Variants in MGAT4C observed in about 807,000 individuals in gnomAD.
MGAT4C encodes the protein alpha-1,3-mannosyl-glycoprotein 4-beta-N-acetylglucosaminyltransferase C.
In MGAT4C, 19 loss-of-function variants were observed where a neutral mutation model predicts 40.1. The observed-to-expected ratio is 0.47, with a 90% CI of 0.33 to 0.70. The LOEUF (loss-of-function observed/expected upper bound fraction) is 0.70. Among genes scored for constraint, MGAT4C ranks in the 30% least tolerant of loss-of-function variants. The probability of loss-of-function intolerance (pLI) is 0.02; values close to 1 mark genes in which losing one functional copy is unlikely to be tolerated. For missense variants in MGAT4C, 491 were observed against 563.2 expected (o/e 0.87, Z 1.30); for synonymous variants, 181 against 187.1 (o/e 0.97, Z 0.27).
intron 2 of MGAT4C, among the ~76,000 whole-genome samples, chr12:86,010,850 G>A (rs1888397270): frequency 1.3e-5 from 2 of 152,234 alleles, no homozygotes. Flanking sequence ...TGGATTAGTG[G>A]GTTATCACAG....
chr12:86,497,658 T>C (rs1958261287), intron 2 of MGAT4C, among the ~76,000 whole-genome samples: 1 of 151,646 alleles, frequency 6.6e-6, no homozygotes, highest in South Asian at 2.1e-4. Context: ...TTTATGGCGT[T>C]TCCAGGATGC....
At chr12:86,338,148 C>T (rs974788293) in intron 3 of MGAT4C, among the ~76,000 whole-genome samples, 3 of 152,196 alleles carry the variant, frequency 2.0e-5, no homozygotes, top group East Asian at 1.9e-4. Flanking sequence ...TCAGTCTCCC[C>T]GAACATTCGG....
chr12:86,499,537 C>T (rs928332232), intron 2 of MGAT4C, among the ~76,000 whole-genome samples: 25 of 151,694 alleles, frequency 1.6e-4, no homozygotes, highest in Admixed American at 1.3e-3. Context: ...CACTCTCAAT[C>T]GTCTCTTTTT....
At chr12:86,795,984 T>G (rs1385170341) in intron 1 of MGAT4C, among the ~76,000 whole-genome samples, 2 of 152,002 alleles carry the variant, frequency 1.3e-5, no homozygotes, top group Non-Finnish European at 2.9e-5. Flanking sequence ...TTTAAGAGCA[T>G]GGAAATACAT....
chr12:86,484,560 T>G (rs575913171), intron 2 of MGAT4C, among the ~76,000 whole-genome samples: 4 of 152,334 alleles, frequency 2.6e-5, no homozygotes, highest in Admixed American at 2.0e-4. Flanking sequence ...CAAAAGGATG[T>G]AGCTGAGTGT....
chr12:86,692,867 C>A (rs775257023), intron 2 of MGAT4C, among the ~76,000 whole-genome samples: 2 of 151,948 alleles, frequency 1.3e-5, no homozygotes, highest in African/African-American at 4.8e-5. Context: ...TTGTTTGTTA[C>A]GGAATGTGCT....
chr12:86,379,854 AGTGT>A (rs1955896717), intron 3 of MGAT4C, among the ~76,000 whole-genome samples: 1 of 152,036 alleles, frequency 6.6e-6, no homozygotes, highest in Non-Finnish European at 1.5e-5. Context: ...AGTTAGAATA[AGTGT>A]TCTTGTTAAA....
intron 2 of MGAT4C, among the ~76,000 whole-genome samples, chr12:86,649,081 A>G (rs902398523): frequency 6.6e-6 from 1 of 151,856 alleles, no homozygotes; most frequent in African/African-American, 2.4e-5. Flanking sequence ...CAATGATTAT[A>G]GTAATAACAA....
intron 2 of MGAT4C, among the ~76,000 whole-genome samples, chr12:86,435,542 T>A (rs1222331812): frequency 1.3e-5 from 2 of 151,982 alleles, no homozygotes; most frequent in Non-Finnish European, 2.9e-5. Context: ...TAAATCAAGA[T>A]GATACTGTCT....
intron 2 of MGAT4C, among the ~76,000 whole-genome samples, chr12:86,002,926 A>G (rs1047383046): frequency 7.9e-5 from 12 of 152,010 alleles, no homozygotes; most frequent in Non-Finnish European, 1.5e-5. Flanking sequence ...TTAGTATCCC[A>G]AGTAGCTGGG....
At chr12:86,826,823 C>T (rs1489384412) in intron 1 of MGAT4C, among the ~76,000 whole-genome samples, 2 of 151,172 alleles carry the variant, frequency 1.3e-5, no homozygotes, top group Non-Finnish European at 3.0e-5. Flanking sequence ...CAAATATTCT[C>T]AAGTATAATG....
chr12:86,253,309 T>C (rs1160877503), intron 1 of MGAT4C, among the ~76,000 whole-genome samples: 1 of 151,568 alleles, frequency 6.6e-6, no homozygotes, highest in Non-Finnish European at 1.5e-5. Context: ...AAGTGACTGA[T>C]TAGATAACCG....
At chr12:86,114,312 G>A (rs1877996932) in intron 1 of MGAT4C, among the ~76,000 whole-genome samples, 3 of 152,014 alleles carry the variant, frequency 2.0e-5, no homozygotes, top group South Asian at 2.1e-4. Flanking sequence ...AATAGGTAGT[G>A]TACGGGTATG....
At chr12:86,036,464 T>A (rs560941547) in intron 2 of MGAT4C, among the ~76,000 whole-genome samples, 3 of 149,920 alleles carry the variant, frequency 2.0e-5, no homozygotes, top group African/African-American at 7.3e-5. Flanking sequence ...TATTTTGAGA[T>A]ACATTCCATC....
chr12:86,408,389 G>T (rs1364706791), intron 3 of MGAT4C, among the ~76,000 whole-genome samples: 1 of 145,388 alleles, frequency 6.9e-6, no homozygotes, highest in Non-Finnish European at 1.5e-5. Context: ...TAATTAGAAT[G>T]ACGTAAAATA....
intron 3 of MGAT4C, among the ~76,000 whole-genome samples, chr12:86,419,044 G>A (rs1409069796): frequency 2.0e-5 from 3 of 151,980 alleles, no homozygotes; most frequent in African/African-American, 7.3e-5. Context: ...TTACAGAACA[G>A]CAAAACAAAA....
intron 4 of MGAT4C, among the ~76,000 whole-genome samples, chr12:86,302,718 C>T (rs558234790): frequency 2.7e-5 from 4 of 150,610 alleles, no homozygotes; most frequent in South Asian, 4.2e-4. Flanking sequence ...TGTGAGCCAC[C>T]GCACCAGGAC....
intron 3 of MGAT4C, among the ~76,000 whole-genome samples, chr12:86,373,085 C>G (rs1373023443): frequency 6.6e-6 from 1 of 151,482 alleles, no homozygotes; most frequent in Non-Finnish European, 1.5e-5. Flanking sequence ...GATATATTAA[C>G]TCATTTAATT....
intron 3 of MGAT4C, among the ~76,000 whole-genome samples, chr12:86,403,567 T>A (rs1956410186): frequency 6.6e-6 from 1 of 152,176 alleles, no homozygotes; most frequent in Admixed American, 6.5e-5. Flanking sequence ...TTTTCTGAAT[T>A]TTTACATTTA....
Sources: gnomAD v4.1 joint callset for allele counts (sites outside exome capture counted in the v4.1 genomes callset) on GRCh38, gnomAD v4.1.1 for gene constraint, MANE v1.5 for transcripts, NCBI Gene and HGNC (gene_info 2026-07-23, HGNC 2026-07-21) for gene names.